RAPH1: variants seen among roughly 807,000 people sequenced by gnomAD.
RAPH1 encodes ras-associated and pleckstrin homology domains-containing protein 1.
A neutral mutation model predicts 88.1 loss-of-function variants in RAPH1; 18 were observed. The observed-to-expected ratio is 0.20, with a 90% CI of 0.14 to 0.30. The LOEUF (loss-of-function observed/expected upper bound fraction) is 0.30. RAPH1 is among the 10% of genes least tolerant of loss of function. The probability of loss-of-function intolerance (pLI) is 1.00; values close to 1 mark genes in which losing one functional copy is unlikely to be tolerated. For missense variants in RAPH1, 1,448 were observed against 1,543.2 expected, an observed-to-expected ratio of 0.94 and a Z score of 1.03; for synonymous variants, 587 against 559.0, an observed-to-expected ratio of 1.05 and a Z score of -0.71.
chr2:203,434,984 A>G lies in RAPH1; in HGVS notation c.*4453T>C, dbSNP rs1254751515. The G allele has an allele frequency of 6.6e-6, 1 of 152,610 alleles. No homozygotes were observed. Among genetic ancestry groups the G allele is most frequent in the East Asian group, 1.9e-4 (1 of 5,200 alleles). The allele number at this position is 152,610 out of a possible 1,614,324, so 9.5% of individuals were successfully genotyped here. A position where few individuals can be genotyped will look rare whatever the true frequency, so the allele number is the denominator to read the frequency against. ...CAAAGTTTGCTTGCTGGATTTCTTT[A>G]AAAATATTCTGCCAAAAGAGTTGAA... is the stretch of plus-strand genomic sequence containing the variant. On this transcript the variant is annotated 3_prime_UTR_variant, in exon 14 of 14. Transcript: ENST00000319170.
chr2:203,448,118 CTGAG>C lies in RAPH1; in HGVS notation c.1513-43_1513-40del. 6.2e-7 allele frequency: 1 copy of C among 1,604,876 alleles called. No individual in the cohort carries two copies. The highest frequency in any genetic ancestry group is 8.5e-7 in the Non-Finnish European group (1 of 1,173,192). ...AGGAAATGGTGACATCTAAACTTTACTGAGTATGATACAGAAGGATAAGGTGAAA... is the reference window on the plus strand; with the variant it reads ...AGGAAATGGTGACATCTAAACTTTACTATGATACAGAAGGATAAGGTGAAA... On this transcript the variant is annotated intron_variant, in intron 11 of 13. Transcript: ENST00000319170. This position sits in a 1 kb window ranked among gnomAD's most constrained non-coding sequence, Gnocchi z 4.1.
intron 4 of RAPH1, among the ~76,000 whole-genome samples, chr2:203,484,027 C>T (rs1055826137): frequency 2.0e-5 from 3 of 152,160 alleles, no homozygotes; most frequent in South Asian, 2.1e-4. Flanking sequence ...TCTCAGCCTT[C>T]ATAATGGTGT....
Position 203,441,371 on chromosome 2 carries a change from G to A in RAPH1, c.1819C>T (p.Pro607Ser), listed in dbSNP as rs757445635. ...ATCTTAGGTTGCGGGGATAAAGGGG[G>A]CACAAGTGAAGTGTAGGGCCGATTC... ...SMNRPYTSLVPPLSPQPKIVT... is the reference protein window; with the variant it reads ...SMNRPYTSLVSPLSPQPKIVT... The change falls in exon 14 of 14, where the codon CCC becomes TCC. Residue 607 changes from proline to serine, a missense_variant. This residue lies in a region of RAPH1 where 935 missense variants were observed against 890.1 expected (regional missense o/e 1.05). Coordinates refer to ENST00000319170, the MANE Select transcript of RAPH1 (RefSeq NM_213589.3). 8 of 1,574,842 alleles carry A rather than the reference G, an allele frequency of 5.1e-6. No homozygotes were observed. Among genetic ancestry groups the A allele is most frequent in the Non-Finnish European group, 6.0e-6 (7 of 1,161,810 alleles).
At chr2:203,458,798 T>G (rs924132851) in intron 7 of RAPH1, among the ~76,000 whole-genome samples, 1 of 151,866 alleles carries the variant, frequency 6.6e-6, no homozygotes, top group Non-Finnish European at 1.5e-5. Context: ...GGAGTCTCAC[T>G]GTCACCCAGG....
intron 7 of RAPH1, among the ~76,000 whole-genome samples, chr2:203,459,275 A>G (rs1206493532): frequency 1.3e-5 from 2 of 152,226 alleles, no homozygotes; most frequent in African/African-American, 4.8e-5. Flanking sequence ...TGCCATTTGA[A>G]GCATAACTAT....
At chr2:203,456,641 G>C (rs1234379606) in intron 8 of RAPH1, among the ~76,000 whole-genome samples, 2 of 152,108 alleles carry the variant, frequency 1.3e-5, no homozygotes, top group African/African-American at 4.8e-5. Context: ...GAAAAATTAG[G>C]AATTACAAGG....
intron 13 of RAPH1, chr2:203,444,180 T>A (rs1449959531): frequency 6.6e-6 from 1 of 151,722 alleles, no homozygotes; most frequent in East Asian, 1.9e-4. Context: ...TCGCCTGTAA[T>A]CCCAGCACTC....
chr2:203,481,473 C>G (rs948204015), intron 4 of RAPH1, among the ~76,000 whole-genome samples: 3 of 152,048 alleles, frequency 2.0e-5, no homozygotes, highest in South Asian at 2.1e-4. Flanking sequence ...TTATTCTACT[C>G]TCCTTCTACT....
At chr2:203,480,944 A>G (rs1255570486) in intron 4 of RAPH1, among the ~76,000 whole-genome samples, 1 of 152,196 alleles carries the variant, frequency 6.6e-6, no homozygotes. Flanking sequence ...TACTCACAGC[A>G]TTGATCTTCA....
chr2:203,471,252 T>C (rs1182564657), intron 4 of RAPH1, among the ~76,000 whole-genome samples: 1 of 152,196 alleles, frequency 6.6e-6, no homozygotes, highest in Non-Finnish European at 1.5e-5. Flanking sequence ...AATATTGTTA[T>C]ATTTTATAAA....
chr2:203,465,905 T>C (rs1051673356), intron 4 of RAPH1, among the ~76,000 whole-genome samples: 1 of 151,626 alleles, frequency 6.6e-6, no homozygotes, highest in Non-Finnish European at 1.5e-5. Context: ...ACAACGGACA[T>C]AGGGATTAAA....
chr2:203,487,327 TA>T (rs1688015675), intron 4 of RAPH1, among the ~76,000 whole-genome samples: 1 of 152,114 alleles, frequency 6.6e-6, no homozygotes, highest in Non-Finnish European at 1.5e-5. Flanking sequence ...TGATACATAT[TA>T]AGTAGCTGGT....
intron 1 of RAPH1, among the ~76,000 whole-genome samples, chr2:203,502,941 C>T (rs930734549): frequency 3.3e-5 from 5 of 151,842 alleles, no homozygotes; most frequent in South Asian, 2.1e-4. Flanking sequence ...GTCAGGAGTT[C>T]GAGACCAGCC....
chr2:203,472,534 T>TAA (rs2098534097), intron 4 of RAPH1, among the ~76,000 whole-genome samples: 1 of 152,210 alleles, frequency 6.6e-6, no homozygotes, highest in Non-Finnish European at 1.5e-5. Flanking sequence ...TATTCAAATA[T>TAA]AATGGGTAAA....
chr2:203,449,126 G>T (rs1264419305), intron 10 of RAPH1, among the ~76,000 whole-genome samples: 1 of 152,202 alleles, frequency 6.6e-6, no homozygotes, highest in African/African-American at 2.4e-5. Flanking sequence ...AAGAAACAAA[G>T]TTCATCAAGG....
chr2:203,493,708 C>T (rs1392982420), intron 2 of RAPH1, among the ~76,000 whole-genome samples: 1 of 151,920 alleles, frequency 6.6e-6, no homozygotes, highest in Non-Finnish European at 1.5e-5. Flanking sequence ...TGTGGTGGCT[C>T]CCACCTGTAA....
intron 7 of RAPH1, among the ~76,000 whole-genome samples, chr2:203,458,888 A>G (rs2098522012): frequency 6.6e-6 from 1 of 151,706 alleles, no homozygotes; most frequent in Admixed American, 6.6e-5. Flanking sequence ...TCAGCCTCCC[A>G]AGTAGCTGGG....
chr2:203,503,566 A>G (rs993707127), intron 1 of RAPH1, among the ~76,000 whole-genome samples: 1 of 152,196 alleles, frequency 6.6e-6, no homozygotes, highest in African/African-American at 2.4e-5. Context: ...ATACAATTCA[A>G]GTTGAGATTT....
intron 1 of RAPH1, among the ~76,000 whole-genome samples, chr2:203,506,850 C>CTATATATA (rs1386285913): frequency 1.3e-5 from 1 of 75,494 alleles, no homozygotes; most frequent in Admixed American, 1.7e-4. Flanking sequence ...ATATATCTAT[C>CTATATATA]TATATCTATA....
Sources: gnomAD v4.1 joint callset for allele counts (sites outside exome capture counted in the v4.1 genomes callset) on GRCh38, gnomAD v4.1.1 for gene constraint, gnomAD v4.1.1 regional missense constraint, Gnocchi (gnomAD v3.1) non-coding constraint, MANE v1.5 for transcripts, NCBI Gene and HGNC (gene_info 2026-07-23, HGNC 2026-07-21) for gene names.